Variants in PHF20 observed in about 807,000 individuals in gnomAD.
PHF20 encodes PHD finger protein 20, also known as glioma-expressed antigen 2.
PHF20 carries 23 observed loss-of-function variants against 113.5 expected under a neutral mutation model. The observed-to-expected ratio is 0.20, with a 90% confidence interval of 0.15 to 0.29. The LOEUF is 0.29. Among genes scored for constraint, PHF20 ranks in the 10% least tolerant of loss-of-function variants. The probability of loss-of-function intolerance (pLI) is 1.00; values close to 1 mark genes in which losing one functional copy is unlikely to be tolerated. For synonymous variants in PHF20, 434 were observed against 457.3 expected, an observed-to-expected ratio of 0.95 and a Z score of 0.65; for missense variants, 943 against 1,219.6, an observed-to-expected ratio of 0.77 and a Z score of 3.38.
chr20:35,917,417 T>C (rs1268896163), intron 12 of PHF20, 67 bp from the exon 13 acceptor site: 2 of 1,358,528 alleles, frequency 1.5e-6, no homozygotes, highest in African/African-American at 2.9e-5. Flanking sequence ...TTTTTCATTC[T>C]TGACAATCAA....
intron 2 of PHF20, among the ~76,000 whole-genome samples, chr20:35,840,490 A>T (rs1000861805): frequency 6.6e-6 from 1 of 152,164 alleles, no homozygotes; most frequent in Non-Finnish European, 1.5e-5. Context: ...GGGCTGGAAG[A>T]GTGGGACTCA....
chr20:35,919,530 G>T (rs961769082), intron 13 of PHF20, among the ~76,000 whole-genome samples: 1 of 152,038 alleles, frequency 6.6e-6, no homozygotes, highest in African/African-American at 2.4e-5. Context: ...AGTAGAGACG[G>T]TGTTTCACCA....
chr20:35,924,437 G>A (rs952979643), intron 13 of PHF20, among the ~76,000 whole-genome samples: 6 of 151,526 alleles, frequency 4.0e-5, no homozygotes, highest in African/African-American at 1.5e-4. Context: ...CAGGTGATCC[G>A]CCCACCTCGG....
At chr20:35,940,325 CTTTTCCA>C (rs748916850) in intron 16 of PHF20, among the ~76,000 whole-genome samples, 10 of 152,104 alleles carry the variant, frequency 6.6e-5, no homozygotes, top group Admixed American at 6.6e-4. Context: ...GGCTAACAGT[CTTTTCCA>C]TTGATGGTAA....
rs2054248168 is a variant in PHF20 at position 35,863,172 on chromosome 20, C to G, written c.580C>G (p.Pro194Ala). The change falls in exon 6 of 18, where the codon CCT becomes GCT. Residue 194 changes from proline (P) to alanine (A), a missense_variant. By Grantham distance (27) the Pro-to-Ala change is conservative (BLOSUM62 -1). Coordinates refer to ENST00000374012, the MANE Select transcript of PHF20 (RefSeq NM_016436.5). ...PLKTEKRPKQ[P>A]DKEGKLICSE... is the part of the protein sequence containing the mutation. ...AAAGACAGAAAAGCGACCCAAGCAG[C>G]CTGATAAAGAAGGAAAGTTAATCTG... is the stretch of plus-strand genomic sequence containing the variant. 1 of 1,613,476 alleles carries G rather than the reference C, an allele frequency of 6.2e-7. No homozygotes were observed. Among genetic ancestry groups the G allele is most frequent in the African/African-American group, 1.3e-5 (1 of 74,862 alleles).
intron 5 of PHF20, among the ~76,000 whole-genome samples, chr20:35,859,215 C>T (rs6058335): frequency 1.3e-5 from 2 of 152,128 alleles, no homozygotes; most frequent in Admixed American, 1.3e-4. Context: ...ATGTACTTGC[C>T]TGAGCATGGG....
intron 17 of PHF20, among the ~76,000 whole-genome samples, chr20:35,941,778 G>T (rs1483039136): frequency 6.6e-6 from 1 of 152,198 alleles, no homozygotes; most frequent in Non-Finnish European, 1.5e-5. Flanking sequence ...AATAACTCAG[G>T]AGAAAATGCC....
At chr20:35,814,854 C>G (rs2146889289) in intron 2 of PHF20, among the ~76,000 whole-genome samples, 1 of 124,978 alleles carries the variant, frequency 8.0e-6, no homozygotes, top group African/African-American at 3.0e-5. Flanking sequence ...GCCTGGGCGA[C>G]AGAGCGAGAC....
intron 1 of PHF20, among the ~76,000 whole-genome samples, chr20:35,781,366 C>T (rs1365777888): frequency 2.6e-5 from 4 of 151,570 alleles, no homozygotes; most frequent in South Asian, 2.1e-4. Context: ...TGGTCTCCGC[C>T]CGCCTCAGCC....
At chr20:35,944,128 C>T (rs550683076) in intron 17 of PHF20, among the ~76,000 whole-genome samples, 1 of 152,266 alleles carries the variant, frequency 6.6e-6, no homozygotes, top group South Asian at 2.1e-4. Context: ...TAGTTGGAAG[C>T]TGTTCTGCAT....
At chr20:35,947,352 C>G (rs1192561685) in intron 17 of PHF20, 133 bp from the exon 18 acceptor site, 1 of 804,596 alleles carries the variant, frequency 1.2e-6, no homozygotes, top group Non-Finnish European at 1.9e-6. Context: ...CCTCCCTTGC[C>G]CCATGGAGGC....
At chr20:35,832,313 C>G (rs2146921533) in intron 2 of PHF20, among the ~76,000 whole-genome samples, 1 of 152,256 alleles carries the variant, frequency 6.6e-6, no homozygotes, top group South Asian at 2.1e-4. Context: ...AAGGAGTCCT[C>G]TGTTGTTGCA....
At chr20:35,772,296 C>G (rs957564692) in intron 1 of PHF20, among the ~76,000 whole-genome samples, 5 of 151,684 alleles carry the variant, frequency 3.3e-5, no homozygotes, top group Non-Finnish European at 5.9e-5. Flanking sequence ...GCCCAATCCC[C>G]GGGGCTACCC....
intron 5 of PHF20, among the ~76,000 whole-genome samples, chr20:35,861,653 G>A (rs954617946): frequency 3.9e-5 from 6 of 151,962 alleles, no homozygotes; most frequent in Non-Finnish European, 8.8e-5. Context: ...TAGTTCAAAG[G>A]TATAACCTTT....
chr20:35,843,496 C>T (rs1020092735), intron 3 of PHF20, among the ~76,000 whole-genome samples: 9 of 138,682 alleles, frequency 6.5e-5, no homozygotes, highest in African/African-American at 1.4e-4. Context: ...CACTCCAGCC[C>T]GGGTGACAGA....
At chr20:35,808,798 T>A (rs1485885594) in intron 2 of PHF20, among the ~76,000 whole-genome samples, 1 of 151,506 alleles carries the variant, frequency 6.6e-6, no homozygotes, top group Non-Finnish European at 1.5e-5. Flanking sequence ...GGTCTCGATC[T>A]CCTGACCTCG....
At chr20:35,784,464 T>A (rs1375854101) in intron 1 of PHF20, among the ~76,000 whole-genome samples, 1 of 122,158 alleles carries the variant, frequency 8.2e-6, no homozygotes, top group Non-Finnish European at 1.7e-5. Context: ...TGAGATGGAG[T>A]CTCACTGTGT....
At chr20:35,848,461 C>T (rs1375836866) in intron 4 of PHF20, among the ~76,000 whole-genome samples, 3 of 151,958 alleles carry the variant, frequency 2.0e-5, no homozygotes, top group South Asian at 2.1e-4. Context: ...GACGGGGTTT[C>T]GCTATGTTGG....
At chr20:35,919,002 A>G (rs530142908) in intron 13 of PHF20, among the ~76,000 whole-genome samples, 1 of 151,718 alleles carries the variant, frequency 6.6e-6, no homozygotes, top group Non-Finnish European at 1.5e-5. Context: ...GTAGGTTGGC[A>G]TGGCATGGGT....
Sources: gnomAD v4.1 joint callset for allele counts (sites outside exome capture counted in the v4.1 genomes callset) on GRCh38, gnomAD v4.1.1 for gene constraint, MANE v1.5 for transcripts, NCBI Gene and HGNC (gene_info 2026-07-23, HGNC 2026-07-21) for gene names.